The following SLCO5A1 variants were observed in gnomAD, a reference collection of about 807,000 sequenced individuals.
SLCO5A1 encodes organic anion transporter polypeptide-related protein 4.
In SLCO5A1, 39 loss-of-function variants were observed where a neutral mutation model predicts 65.1. The ratio of observed to expected loss-of-function variants is 0.60; its 90% CI spans 0.46 to 0.78. The LOEUF (loss-of-function observed/expected upper bound fraction) is 0.78, where lower values mean the gene tolerates loss of function less well. Among genes scored for constraint, SLCO5A1 ranks in the 30% least tolerant of loss-of-function variants. SLCO5A1 has a pLI of 0.00. For missense variants in SLCO5A1, 1,029 were observed against 1,069.4 expected (o/e 0.96, Z 0.53); for synonymous variants, 438 against 415.7 (o/e 1.05, Z -0.65).
At chr8:69,690,003 C>G (rs1194829949) in intron 6 of SLCO5A1, among the ~76,000 whole-genome samples, 2 of 151,848 alleles carry the variant, frequency 1.3e-5, no homozygotes, top group African/African-American at 2.4e-5. Context: ...TTTGTATCCT[C>G]TTTTATTTCA....
intron 2 of SLCO5A1, among the ~76,000 whole-genome samples, chr8:69,818,675 G>A (rs1038908486): frequency 6.6e-6 from 1 of 152,182 alleles, no homozygotes; most frequent in Admixed American, 6.5e-5. Context: ...TTGTTTTGCA[G>A]TTAGACCCAA....
chr8:69,768,301 C>T (rs1003624112), intron 2 of SLCO5A1, among the ~76,000 whole-genome samples: 3 of 152,144 alleles, frequency 2.0e-5, no homozygotes, highest in Non-Finnish European at 4.4e-5. Flanking sequence ...AAAGAATGAC[C>T]ATGACCCTTA....
At chr8:69,741,695 T>C (rs1468301463) in intron 4 of SLCO5A1, among the ~76,000 whole-genome samples, 1 of 152,236 alleles carries the variant, frequency 6.6e-6, no homozygotes, top group African/African-American at 2.4e-5. Context: ...GTACTGAGCA[T>C]AGCATCATTT....
chr8:69,762,190 C>CTTTCTTTT (rs1554617820), intron 2 of SLCO5A1, among the ~76,000 whole-genome samples: 1 of 59,562 alleles, frequency 1.7e-5, no homozygotes, highest in Admixed American at 2.0e-4. Context: ...TTCTTTCTTT[C>CTTTCTTTT]TTTCTTTCTT....
intron 4 of SLCO5A1, among the ~76,000 whole-genome samples, chr8:69,743,013 G>T (rs951490363): frequency 1.3e-5 from 2 of 152,006 alleles, no homozygotes; most frequent in Non-Finnish European, 2.9e-5. Flanking sequence ...TGTTAGCCAG[G>T]ATGGTCTCGA....
At chr8:69,821,805 C>T (rs74775425) in intron 2 of SLCO5A1, among the ~76,000 whole-genome samples, 1 of 115,284 alleles carries the variant, frequency 8.7e-6, no homozygotes, top group Non-Finnish European at 1.9e-5. Flanking sequence ...GACTTTGTCT[C>T]AAAAAAAAAA....
chr8:69,676,832 G>A (rs1383679411), intron 8 of SLCO5A1, among the ~76,000 whole-genome samples, 159 bp from the exon 9 acceptor site: 1 of 152,182 alleles, frequency 6.6e-6, no homozygotes, highest in African/African-American at 2.4e-5. Context: ...AAGATTGCTG[G>A]TGGCTAAATC....
At position 69,815,262 on chromosome 8, in the gene SLCO5A1, A is replaced by C. The variant is rs13439378; in HGVS notation, c.907+16505T>G. 7.2e-3 allele frequency among the ~76,000 whole-genome samples: 1,090 copies of C among 152,282 alleles called. 15 individuals carry two copies. The highest frequency in any genetic ancestry group is 0.025 in the African/African-American group (1,033 of 41,562). On this transcript the variant is annotated intron_variant, in intron 2 of 9. Coordinates refer to ENST00000260126, the MANE Select transcript of SLCO5A1 (RefSeq NM_030958.3). ...ATCATAACATCACTTTGTACCCATA[A>C]ATTTATGCTGTTATAAATTATCAAA...
At chr8:69,752,271 A>G (rs1210784619) in intron 4 of SLCO5A1, among the ~76,000 whole-genome samples, 1 of 152,052 alleles carries the variant, frequency 6.6e-6, no homozygotes, top group Non-Finnish European at 1.5e-5. Flanking sequence ...AATTAAGACC[A>G]AAAGAAGCCC....
intron 2 of SLCO5A1, among the ~76,000 whole-genome samples, chr8:69,813,963 T>C (rs1820310729): frequency 6.6e-6 from 1 of 152,204 alleles, no homozygotes; most frequent in Non-Finnish European, 1.5e-5. Context: ...AGCATATTAT[T>C]TAATTTCAAT....
chr8:69,801,371 CT>C (rs989544499), intron 2 of SLCO5A1, among the ~76,000 whole-genome samples: 4 of 152,068 alleles, frequency 2.6e-5, no homozygotes, highest in East Asian at 1.9e-4. Context: ...ATCCAAGAGT[CT>C]TTTTTTTCCT....
intron 5 of SLCO5A1, among the ~76,000 whole-genome samples, chr8:69,726,699 T>C (rs1420807279): frequency 1.3e-5 from 2 of 152,150 alleles, no homozygotes; most frequent in East Asian, 3.9e-4. Context: ...TGGGGTTTTG[T>C]CATGTTGGTC....
chr8:69,806,550 A>T (rs17731173), intron 2 of SLCO5A1, among the ~76,000 whole-genome samples: 13,876 of 152,162 alleles, frequency 0.091, 704 homozygotes, highest in Middle Eastern at 0.16. Context: ...GCCTAAATTA[A>T]CAAGATGAAC....
In SLCO5A1 at chr8:69,832,326, C is replaced by G; in HGVS notation, c.348G>C (p.Glu116Asp). The G allele has an allele frequency of 6.2e-7, 1 of 1,614,226 alleles. No individual in the cohort carries two copies. Among genetic ancestry groups the G allele is most frequent in the Non-Finnish European group, 8.5e-7 (1 of 1,180,044 alleles). The change falls in exon 2 of 10, where the codon GAG (glutamate) becomes GAC (aspartate). Residue 116 changes from glutamate (E) to aspartate (D), a missense_variant. This residue lies in a region of SLCO5A1 where 647 missense variants were observed against 647.5 expected (regional missense o/e 1.00). Coordinates refer to ENST00000260126, the MANE Select transcript of SLCO5A1 (RefSeq NM_030958.3). The surrounding 1 kb of genome is among the most constrained non-coding windows in gnomAD (Gnocchi z 4.5). The part of the protein sequence containing the change: ...SVSSALAMLQ[E>D]RRCLYVVLTD... ...TGAGGACCACGTAGAGGCACCTTCTCTCCTGGAGCATGGCCAAGGCGGAGG... is the reference window on the plus strand; with the variant it reads ...TGAGGACCACGTAGAGGCACCTTCTGTCCTGGAGCATGGCCAAGGCGGAGG...
Position 69,831,831 on chromosome 8 carries a change from A to T in SLCO5A1, c.843T>A (p.Ile281=). ...CTAAGTAGGTTGGTCCCAGGGTATAAATAGGTGTGGAGCCCATTCCAATGA... is the reference window on the plus strand; with the variant it reads ...CTAAGTAGGTTGGTCCCAGGGTATATATAGGTGTGGAGCCCATTCCAATGA... ...QILIGMGSTP[I]YTLGPTYLDD... is the part of the protein sequence containing the mutation. Residue 281 remains isoleucine (I), a synonymous_variant, in exon 2 of 10, where the codon ATT becomes ATA. Transcript: ENST00000260126. 1 of 1,614,158 alleles carries T rather than the reference A, an allele frequency of 6.2e-7. No homozygotes were observed. The highest frequency in any genetic ancestry group is 8.5e-7 in the Non-Finnish European group (1 of 1,180,024).
At chr8:69,687,537 A>T (rs1042834008) in intron 6 of SLCO5A1, among the ~76,000 whole-genome samples, 6 of 152,228 alleles carry the variant, frequency 3.9e-5, no homozygotes, top group African/African-American at 1.4e-4. Flanking sequence ...AAATAAAATA[A>T]TGTGTCACTT....
intron 4 of SLCO5A1, among the ~76,000 whole-genome samples, chr8:69,742,199 A>G (rs773119237): frequency 3.9e-5 from 6 of 152,208 alleles, no homozygotes; most frequent in Non-Finnish European, 8.8e-5. Context: ...GCTTTCATGT[A>G]AATTCAAAAT....
At chr8:69,754,045 A>C (rs891018523) in intron 4 of SLCO5A1, among the ~76,000 whole-genome samples, 2 of 150,240 alleles carry the variant, frequency 1.3e-5, no homozygotes, top group Non-Finnish European at 3.0e-5. Context: ...GATTATTGCT[A>C]TGTTTTAAAT....
intron 6 of SLCO5A1, among the ~76,000 whole-genome samples, chr8:69,694,839 G>A (rs1401343184): frequency 6.6e-6 from 1 of 152,202 alleles, no homozygotes; most frequent in African/African-American, 2.4e-5. Flanking sequence ...CCTTGCAGCA[G>A]CTTCCAGCAC....
Sources: gnomAD v4.1 joint callset for allele counts (sites outside exome capture counted in the v4.1 genomes callset) on GRCh38, gnomAD v4.1.1 for gene constraint, gnomAD v4.1.1 regional missense constraint, Gnocchi (gnomAD v3.1) non-coding constraint, MANE v1.5 for transcripts, NCBI Gene and HGNC (gene_info 2026-07-23, HGNC 2026-07-21) for gene names.